SMAD7: variants seen among roughly 807,000 people sequenced by gnomAD.
The protein encoded by SMAD7 is SMAD family member 7.
A neutral mutation model predicts 38.7 loss-of-function variants in SMAD7; 8 were observed. That is an observed-to-expected ratio of 0.21 (90% CI 0.12 to 0.37). The LOEUF (loss-of-function observed/expected upper bound fraction) is 0.37, where lower values mean the gene tolerates loss of function less well. SMAD7 is among the 10% of genes least tolerant of loss of function. SMAD7 has a pLI of 1.00. For missense variants in SMAD7, 477 were observed against 577.9 expected (o/e 0.83, Z 1.79); for synonymous variants, 327 against 265.1 (o/e 1.23, Z -2.27).
In SMAD7 at chr18:48,942,559, T is replaced by C. The variant is rs752136915; in HGVS notation, c.668-4A>G. On this transcript the variant is annotated splice_region_variant and splice_polypyrimidine_tract_variant and intron_variant, in intron 2 of 3. Coordinates refer to ENST00000262158, the MANE Select transcript of SMAD7 (RefSeq NM_005904.4). ...GGCACAGCATCTGGACAGTCTGCTG[T>C]GGATTTGAAAAGGGGAGAGAAAGAA... 6.2e-6 allele frequency: 10 copies of C among 1,613,460 alleles called. No individual in the cohort carries two copies. The highest frequency in any genetic ancestry group is 1.3e-5 in the African/African-American group (1 of 74,908).
intron 3 of SMAD7, among the ~76,000 whole-genome samples, chr18:48,924,430 C>A (rs1215720481): frequency 1.3e-5 from 2 of 152,144 alleles, no homozygotes; most frequent in African/African-American, 4.8e-5. Flanking sequence ...AGGGTGGGGG[C>A]CTCTGGGGGC....
At chr18:48,922,391 C>T (rs1228413641) in intron 3 of SMAD7, among the ~76,000 whole-genome samples, 1 of 152,054 alleles carries the variant, frequency 6.6e-6, no homozygotes, top group Admixed American at 6.6e-5. Flanking sequence ...GCTGGAGTAC[C>T]AGGGGATGAC....
chr18:48,937,670 C>T (rs372186018), intron 3 of SMAD7, among the ~76,000 whole-genome samples: 1 of 152,178 alleles, frequency 6.6e-6, no homozygotes, highest in African/African-American at 2.4e-5. Flanking sequence ...CCGCCCCAGC[C>T]CTGACTCATC....
At chr18:48,946,522 A>AT (rs1219036184) in intron 2 of SMAD7, among the ~76,000 whole-genome samples, 1 of 152,160 alleles carries the variant, frequency 6.6e-6, no homozygotes, top group East Asian at 1.9e-4. Flanking sequence ...CTGATGCTAA[A>AT]TTCTTACACA....
At chr18:48,946,056 AT>A (rs1333844157) in intron 2 of SMAD7, among the ~76,000 whole-genome samples, 2 of 152,166 alleles carry the variant, frequency 1.3e-5, no homozygotes, top group Non-Finnish European at 2.9e-5. Flanking sequence ...TTATAGCAAA[AT>A]GGAGTTCCTA....
chr18:48,927,344 G>C (rs1013971148), intron 3 of SMAD7, among the ~76,000 whole-genome samples: 3 of 151,598 alleles, frequency 2.0e-5, no homozygotes, highest in African/African-American at 7.3e-5. Context: ...AGCATCTCCA[G>C]TGAAGTGAGA....
chr18:48,927,547 C>A (rs1252643580), intron 3 of SMAD7, among the ~76,000 whole-genome samples: 1 of 152,206 alleles, frequency 6.6e-6, no homozygotes, highest in East Asian at 1.9e-4. Flanking sequence ...TTCACACCAA[C>A]CTCGCATGCA....
At chr18:48,922,056 A>G in intron 3 of SMAD7, 146 bp from the exon 4 acceptor site, 1 of 665,218 alleles carries the variant, frequency 1.5e-6, no homozygotes, top group Non-Finnish European at 2.5e-6. Flanking sequence ...CTAGTCCTGG[A>G]CTTGCCCAGG....
chr18:48,941,811 C>G (rs1481465734), intron 3 of SMAD7, among the ~76,000 whole-genome samples: 1 of 152,206 alleles, frequency 6.6e-6, no homozygotes, highest in South Asian at 2.1e-4. Context: ...CTGGCTACCC[C>G]GTGCCTGTCA....
At chr18:48,946,257 C>A (rs1196941459) in intron 2 of SMAD7, among the ~76,000 whole-genome samples, 1 of 152,148 alleles carries the variant, frequency 6.6e-6, no homozygotes, top group African/African-American at 2.4e-5. Context: ...AAAAATTCAA[C>A]CTAAGGGACA....
chr18:48,943,542 T>C (rs1281668359), intron 2 of SMAD7, among the ~76,000 whole-genome samples: 2 of 152,206 alleles, frequency 1.3e-5, no homozygotes, highest in East Asian at 3.8e-4. Flanking sequence ...CACAAGACCC[T>C]GTAAGCTTGT....
chr18:48,942,409 C>T, intron 3 of SMAD7, 72 bp downstream of exon 3: 1 of 1,063,192 alleles, frequency 9.4e-7, no homozygotes, highest in Non-Finnish European at 1.4e-6. Context: ...AGAAGGCCAC[C>T]CCCATTCCTC....
At chr18:48,943,019 T>C (rs1265984560) in intron 2 of SMAD7, among the ~76,000 whole-genome samples, 1 of 152,234 alleles carries the variant, frequency 6.6e-6, no homozygotes, top group African/African-American at 2.4e-5. Context: ...TCAAGATTGA[T>C]GTTGGGCTGC....
intron 3 of SMAD7, among the ~76,000 whole-genome samples, chr18:48,926,343 G>C (rs925075518): frequency 6.6e-6 from 1 of 152,136 alleles, no homozygotes; most frequent in Non-Finnish European, 1.5e-5. Context: ...AGCCAGTAAA[G>C]ACATGAGCTC....
At position 48,950,605 on chromosome 18, in the gene SMAD7, C is replaced by A; in HGVS notation, c.-181G>T. The A allele has an allele frequency of 2.6e-6, 1 of 390,136 alleles. No individual in the cohort carries two copies. The highest frequency in any genetic ancestry group is 1.2e-4 in the South Asian group (1 of 8,472). 24.2% of individuals were successfully genotyped at this position (390,136 alleles called of 1,614,324 possible). A position where few individuals can be genotyped will look rare whatever the true frequency, so the allele number is the denominator to read the frequency against. ...GGCGCTCCGTGGCATGCGCCAGTCT[C>A]CCGGAGGCCGGGGCGCGCGCGGGGG... On this transcript the variant is annotated 5_prime_UTR_variant, in exon 1 of 4. Coordinates refer to ENST00000262158, the MANE Select transcript of SMAD7 (RefSeq NM_005904.4).
At chr18:48,934,490 A>G (rs1031619216) in intron 3 of SMAD7, among the ~76,000 whole-genome samples, 2 of 152,028 alleles carry the variant, frequency 1.3e-5, no homozygotes, top group Non-Finnish European at 2.9e-5. Context: ...GCAAGTTAAA[A>G]CTGAGCTAAT....
chr18:48,949,783 A>G lies in SMAD7; in HGVS notation c.613+29T>C, dbSNP rs998508879. On this transcript the variant is annotated intron_variant, in intron 1 of 3. Transcript: ENST00000262158. Reference sequence around the variant, plus strand: ...TCTTCCAGCACTGGCGCTCCGGAAAATGTTGGGGGTAGGGGGACAACTTCT... The same window carrying G: ...TCTTCCAGCACTGGCGCTCCGGAAAGTGTTGGGGGTAGGGGGACAACTTCT... 2.6e-6 allele frequency: 4 copies of G among 1,556,992 alleles called. No homozygotes were observed. In the African/African-American group the frequency reaches 5.5e-5, roughly 21 times the overall value.
At chr18:48,941,718 A>T (rs759429604) in intron 3 of SMAD7, among the ~76,000 whole-genome samples, 1 of 152,230 alleles carries the variant, frequency 6.6e-6, no homozygotes, top group Non-Finnish European at 1.5e-5. Context: ...TCTTCAGAAC[A>T]ACATGAAATG....
intron 3 of SMAD7, among the ~76,000 whole-genome samples, chr18:48,938,090 A>G (rs1360248301): frequency 1.3e-5 from 2 of 152,220 alleles, no homozygotes; most frequent in South Asian, 2.1e-4. Flanking sequence ...AGGATGGAGC[A>G]ATGTTTCCTA....
Sources: gnomAD v4.1 joint callset for allele counts (sites outside exome capture counted in the v4.1 genomes callset) on GRCh38, gnomAD v4.1.1 for gene constraint, MANE v1.5 for transcripts, NCBI Gene and HGNC (gene_info 2026-07-23, HGNC 2026-07-21) for gene names.